Variants in HERC1 observed in about 807,000 individuals in gnomAD.
The protein encoded by HERC1 is probable E3 ubiquitin-protein ligase HERC1.
A neutral mutation model predicts 554.3 loss-of-function variants in HERC1; 160 were observed. The ratio of observed to expected loss-of-function variants is 0.29; its 90% CI spans 0.25 to 0.33. The LOEUF is 0.33. Among genes scored for constraint, HERC1 ranks in the 10% least tolerant of loss-of-function variants. The probability of loss-of-function intolerance (pLI) is 1.00; values close to 1 mark genes in which losing one functional copy is unlikely to be tolerated. For missense variants in HERC1, 4,919 were observed against 5,918.5 expected, an observed-to-expected ratio of 0.83 and a Z score of 5.54; for synonymous variants, 2,175 against 2,131.7, an observed-to-expected ratio of 1.02 and a Z score of -0.56.
At chr15:63,755,402 G>T in intron 5 of HERC1, 77 bp from the exon 6 acceptor site, 1 of 1,064,430 alleles carries the variant, frequency 9.4e-7, no homozygotes, top group South Asian at 1.3e-5. Context: ...TATACACAGA[G>T]ACTTCACAGA....
At chr15:63,643,243 T>A (rs1459063572) in intron 58 of HERC1, among the ~76,000 whole-genome samples, 161 bp downstream of exon 58, 4 of 152,152 alleles carry the variant, frequency 2.6e-5, no homozygotes, top group Non-Finnish European at 5.9e-5. Context: ...ACACTTATCA[T>A]CAGTAAGAAA....
chr15:63,621,476 A>G (rs2068074695), intron 74 of HERC1, among the ~76,000 whole-genome samples: 1 of 151,782 alleles, frequency 6.6e-6, no homozygotes, highest in Non-Finnish European at 1.5e-5. Context: ...TGTGTCTTGG[A>G]GTTGCTCTTC....
At chr15:63,621,554 G>A (rs1305370301) in intron 74 of HERC1, among the ~76,000 whole-genome samples, 1 of 152,152 alleles carries the variant, frequency 6.6e-6, no homozygotes, top group African/African-American at 2.4e-5. Context: ...TTGTTAGACT[G>A]GGGAAGTTCT....
rs1278633699 is a variant in HERC1, at chr15:63,680,003, T to C, written c.6549+74A>G. On this transcript the variant is annotated intron_variant, in intron 36 of 77. Coordinates refer to ENST00000443617, the MANE Select transcript of HERC1 (RefSeq NM_003922.4). The surrounding 1 kb of genome is among the most constrained non-coding windows in gnomAD (Gnocchi z 5.8). ...TAATGGCAGAAGAAATAGCTTATTA[T>C]ATTTATAAACTCTATCTGATGCTAA... The C allele has an allele frequency of 9.9e-7, 1 of 1,012,142 alleles. No individual in the cohort carries two copies. Among genetic ancestry groups the C allele is most frequent in the Non-Finnish European group, 1.5e-6 (1 of 679,976 alleles). The allele number at this position is 1,012,142 out of a possible 1,614,324, so 62.7% of individuals were successfully genotyped here. A position where few individuals can be genotyped will look rare whatever the true frequency, so the allele number is the denominator to read the frequency against.
At chr15:63,778,360 C>T (rs889266982) in intron 1 of HERC1, among the ~76,000 whole-genome samples, 13 of 152,228 alleles carry the variant, frequency 8.5e-5, no homozygotes, top group African/African-American at 2.6e-4. Flanking sequence ...CAGATCAGAG[C>T]ACAGACTACA....
chr15:63,732,223 AC>A (rs1344103506), intron 14 of HERC1, among the ~76,000 whole-genome samples: 3 of 151,928 alleles, frequency 2.0e-5, no homozygotes, highest in Admixed American at 6.6e-5. Flanking sequence ...CTGGTCTCAA[AC>A]TCCTGACCTC....
At chr15:63,825,271 C>T (rs2077854515) in intron 1 of HERC1, among the ~76,000 whole-genome samples, 1 of 152,074 alleles carries the variant, frequency 6.6e-6, no homozygotes, top group African/African-American at 2.4e-5. Context: ...TGCACCCCAG[C>T]CTAGGTGACA....
chr15:63,640,144 A>G lies in HERC1; in HGVS notation c.11901+8T>C. On this transcript the variant is annotated splice_region_variant and intron_variant, in intron 61 of 77. Transcript: ENST00000443617. ...GCTGCAAATAATAGCAGCTCACAGTACATTTACCATTAGAAATACAAGTTC... is the reference window on the plus strand; with the variant it reads ...GCTGCAAATAATAGCAGCTCACAGTGCATTTACCATTAGAAATACAAGTTC... The G allele has an allele frequency of 6.2e-7, 1 of 1,612,680 alleles. No homozygotes were observed. Among genetic ancestry groups the G allele is most frequent in the South Asian group, 1.1e-5 (1 of 91,040 alleles).
intron 1 of HERC1, among the ~76,000 whole-genome samples, chr15:63,797,677 C>T (rs2076853676): frequency 6.6e-6 from 1 of 152,202 alleles, no homozygotes; most frequent in Non-Finnish European, 1.5e-5. Context: ...GGCCAGCCTC[C>T]TGTCAATTAA....
In HERC1 at chr15:63,775,500, C is replaced by T; in HGVS notation, c.124G>A (p.Val42Ile). The change falls in exon 2 of 78, where the codon GTT (valine) becomes ATT (isoleucine). Residue 42 changes from valine to isoleucine, a missense_variant. Val to Ile is a conservative substitution (Grantham distance 29). Transcript: ENST00000443617. This position sits in a 1 kb window ranked among gnomAD's most constrained non-coding sequence, Gnocchi z 4.0. ...AAAGGTACTACTTCCTTATTGCTAA[C>T]CAGTTTAGAATACAGAACAGCAACT... The part of the protein sequence containing the change: ...EGVAVLYSKL[V>I]SNKEVVPLPQ... 1 of 1,613,972 alleles carries T rather than the reference C, an allele frequency of 6.2e-7. No homozygotes were observed. The highest frequency in any genetic ancestry group is 8.5e-7 in the Non-Finnish European group (1 of 1,179,882).
chr15:63,622,948 C>A, intron 73 of HERC1, 57 bp from the exon 74 acceptor site: 9 of 1,038,696 alleles, frequency 8.7e-6, no homozygotes, highest in Non-Finnish European at 1.1e-5. Flanking sequence ...ATGAAGAGAA[C>A]AAACCAATTA....
chr15:63,672,769 TCTAC>T, intron 38 of HERC1, 75 bp from the exon 39 acceptor site: 2 of 936,296 alleles, frequency 2.1e-6, no homozygotes, highest in Middle Eastern at 2.2e-4. Flanking sequence ...ATAAAAAACT[TCTAC>T]CTGTTTAATT....
At chr15:63,706,743 C>T (rs749659030) in intron 25 of HERC1, 37 bp downstream of exon 25, 7 of 1,207,376 alleles carry the variant, frequency 5.8e-6, no homozygotes, top group Non-Finnish European at 8.0e-6. Context: ...CAGGGTCTCA[C>T]TAAGATATTT....
At chr15:63,659,449 C>T (rs1304958109) in intron 47 of HERC1, among the ~76,000 whole-genome samples, 1 of 152,056 alleles carries the variant, frequency 6.6e-6, no homozygotes, top group Non-Finnish European at 1.5e-5. Context: ...AAATGGGTCT[C>T]ACCATGTTGC....
At chr15:63,826,423 A>G (rs1384204493) in intron 1 of HERC1, among the ~76,000 whole-genome samples, 4 of 152,200 alleles carry the variant, frequency 2.6e-5, no homozygotes, top group African/African-American at 4.8e-5. Context: ...CGTACTGTAT[A>G]TACCGTTCAA....
rs2070992031 is a variant in HERC1, at chr15:63,672,626, A to C, written c.7915T>G (p.Ser2639Ala). 6.2e-7 allele frequency: 1 copy of C among 1,612,968 alleles called. No homozygotes were observed. The highest frequency in any genetic ancestry group is 1.3e-5 in the African/African-American group (1 of 74,910). ...QAQTPVTTSPSASSTTSFMSS... is the reference protein window; with the variant it reads ...QAQTPVTTSPAASSTTSFMSS... ...ATAAAGGAGGTCGTGCTTGAGGCTG[A>C]TGGGCTAGTAGTAACTGGTGTCTGT... The change falls in exon 39 of 78, where the codon TCA becomes GCA. Residue 2639 changes from serine to alanine, a missense_variant. Transcript: ENST00000443617.
chr15:63,662,060 T>C, intron 44 of HERC1, 39 bp from the exon 45 acceptor site: 1 of 1,587,056 alleles, frequency 6.3e-7, no homozygotes, highest in Non-Finnish European at 8.6e-7. Flanking sequence ...TTAGTCAATT[T>C]AACATAAAAC....
Position 63,692,998 on chromosome 15 carries a change from T to C in HERC1, c.5675-432A>G, listed in dbSNP as rs868121473. ...GAGTTCAAGATCAGCCTGGCCAACA[T>C]AGCGAAACCCCGTCTCTAATAAAAA... On this transcript the variant is annotated intron_variant, in intron 30 of 77. Transcript: ENST00000443617. The surrounding 1 kb of genome is among the most constrained non-coding windows in gnomAD (Gnocchi z 4.7). Among the ~76,000 whole-genome samples the C allele has an allele frequency of 6.6e-5, 10 of 151,984 alleles. No homozygotes were observed. Among genetic ancestry groups the C allele is most frequent in the East Asian group, 3.9e-4 (2 of 5,132 alleles).
At chr15:63,635,064 A>G (rs936699145) in intron 65 of HERC1, 176 bp from the exon 66 acceptor site, 1 of 441,910 alleles carries the variant, frequency 2.3e-6, no homozygotes, top group Non-Finnish European at 4.0e-6. Flanking sequence ...TTAAATTTTA[A>G]AGAGACAGTG....
Sources: allele counts gnomAD v4.1 joint callset (sites outside exome capture counted in the v4.1 genomes callset), GRCh38; gene constraint gnomAD v4.1.1; non-coding constraint Gnocchi (gnomAD v3.1); transcripts MANE v1.5; gene names NCBI Gene and HGNC (gene_info 2026-07-23, HGNC 2026-07-21).